KLHL29: variants seen among roughly 807,000 people sequenced by gnomAD.
The protein encoded by KLHL29 is kelch like family member 29.
KLHL29 carries 21 observed loss-of-function variants against 80.4 expected under a neutral mutation model. That is an observed-to-expected ratio of 0.26 (90% CI 0.19 to 0.38). KLHL29 has a LOEUF of 0.38. Among genes scored for constraint, KLHL29 ranks in the 10% least tolerant of loss-of-function variants. The pLI is 1.00. For missense variants in KLHL29, 867 were observed against 1,223.9 expected (o/e 0.71, Z 4.35); for synonymous variants, 511 against 526.8 (o/e 0.97, Z 0.41).
chr2:23,403,136 A>G (rs1427775697), intron 1 of KLHL29, among the ~76,000 whole-genome samples: 1 of 152,158 alleles, frequency 6.6e-6, no homozygotes. Flanking sequence ...GGTTTTTAAA[A>G]TAATAAGCGT....
chr2:23,619,800 C>A (rs937171900), intron 3 of KLHL29, among the ~76,000 whole-genome samples: 4 of 152,226 alleles, frequency 2.6e-5, no homozygotes, highest in Non-Finnish European at 1.5e-5. Flanking sequence ...TTCATCCCAG[C>A]CTGTTAGTGC....
intron 2 of KLHL29, among the ~76,000 whole-genome samples, chr2:23,557,062 A>G (rs1667316266): frequency 6.6e-6 from 1 of 152,200 alleles, no homozygotes; most frequent in South Asian, 2.1e-4. Flanking sequence ...GTTCACGGGC[A>G]GCCTGCCAGG....
intron 4 of KLHL29, among the ~76,000 whole-genome samples, chr2:23,640,934 G>T (rs937528503): frequency 5.3e-5 from 8 of 152,114 alleles, no homozygotes; most frequent in African/African-American, 1.7e-4. Context: ...CCCCACCTCG[G>T]CGCCATTTTC....
In KLHL29 at chr2:23,682,992, C is replaced by T. The variant is rs1221760043; in HGVS notation, c.941-1407C>T. Among the ~76,000 whole-genome samples, 2 of 152,236 alleles carry T rather than the reference C, an allele frequency of 1.3e-5. No homozygotes were observed. The highest frequency in any genetic ancestry group is 1.9e-4 in the East Asian group (1 of 5,192). ...CCCTCCCACCGTCTTCCTTGGTCTTCAGCAGAGCCCAGTGTGTCCTCACCA... is the reference window on the plus strand; with the variant it reads ...CCCTCCCACCGTCTTCCTTGGTCTTTAGCAGAGCCCAGTGTGTCCTCACCA... On this transcript the variant is annotated intron_variant, in intron 5 of 13. Coordinates refer to ENST00000486442, the MANE Select transcript of KLHL29 (RefSeq NM_052920.2). This position sits in a 1 kb window ranked among gnomAD's most constrained non-coding sequence, Gnocchi z 4.1.
intron 1 of KLHL29, among the ~76,000 whole-genome samples, chr2:23,411,426 G>GT (rs1372762355): frequency 5.4e-5 from 2 of 36,870 alleles, no homozygotes; most frequent in African/African-American, 1.2e-4. Flanking sequence ...TGTGTGTGTG[G>GT]TCAAGGTAGG....
chr2:23,487,342 C>T (rs1225776026), intron 2 of KLHL29, among the ~76,000 whole-genome samples: 1 of 152,122 alleles, frequency 6.6e-6, no homozygotes, highest in Non-Finnish European at 1.5e-5. Context: ...GAGAGAGGGG[C>T]AGGAGGGGAC....
In KLHL29 at chr2:23,642,454, G is replaced by T; in HGVS notation, c.544G>T (p.Val182Phe). ...FSPAVNVQAPVIGVTPSLPPH... is the reference protein window; with the variant it reads ...FSPAVNVQAPFIGVTPSLPPH... ...CCCGGCTGTGAACGTCCAGGCCCCG[G>T]TCATTGGGGTGACCCCCTCACTGCC... is the stretch of plus-strand genomic sequence containing the variant. The change falls in exon 5 of 14, where the codon GTC (valine) becomes TTC (phenylalanine). Residue 182 changes from valine (V) to phenylalanine (F), a missense_variant. Around this residue, in one of 2 missense-constraint regions of KLHL29, gnomAD observed 424 missense variants for 456.9 expected, o/e 0.93. Coordinates refer to ENST00000486442, the MANE Select transcript of KLHL29 (RefSeq NM_052920.2). 1 of 1,508,632 alleles carries T rather than the reference G, an allele frequency of 6.6e-7. No individual in the cohort carries two copies. The highest frequency in any genetic ancestry group is 8.9e-7 in the Non-Finnish European group (1 of 1,123,228). The allele number at this position is 1,508,632 out of a possible 1,614,324, so 93.5% of individuals were successfully genotyped here.
intron 3 of KLHL29, among the ~76,000 whole-genome samples, chr2:23,603,759 G>A (rs1668632871): frequency 6.6e-6 from 1 of 152,234 alleles, no homozygotes; most frequent in Non-Finnish European, 1.5e-5. Flanking sequence ...AGGCCGAGGA[G>A]CCCTGGTGGA....
intron 5 of KLHL29, chr2:23,672,953 CG>C (rs1379756805): frequency 6.6e-6 from 1 of 152,198 alleles, no homozygotes; most frequent in African/African-American, 2.4e-5. Context: ...AGGCCACTCG[CG>C]GCTGCTTTCC....
At chr2:23,654,789 G>C (rs867039847) in intron 5 of KLHL29, among the ~76,000 whole-genome samples, 2 of 151,598 alleles carry the variant, frequency 1.3e-5, no homozygotes, top group Middle Eastern at 6.8e-3. Flanking sequence ...TCTGCCCTGA[G>C]AGGCAGAGTC....
chr2:23,586,362 CTTTTTTTTTTTT>C (rs778067234), intron 3 of KLHL29, among the ~76,000 whole-genome samples: 1 of 96,992 alleles, frequency 1.0e-5, no homozygotes, highest in Admixed American at 1.4e-4. Context: ...AAAAGCATTA[CTTTTTTTTTTTT>C]TTTTTTTTTT....
At chr2:23,526,292 A>C (rs6753549) in intron 2 of KLHL29, among the ~76,000 whole-genome samples, 14 of 150,898 alleles carry the variant, frequency 9.3e-5, no homozygotes, top group East Asian at 5.9e-4. Context: ...GTCACAGGGG[A>C]GGGGAAACCA....
At chr2:23,646,555 A>G (rs149474512) in intron 5 of KLHL29, among the ~76,000 whole-genome samples, 243 of 152,290 alleles carry the variant, frequency 1.6e-3, no homozygotes, top group African/African-American at 5.8e-3. Context: ...TTCGGACTTC[A>G]TATTTTGCAG....
chr2:23,456,756 C>T (rs1664064426), intron 1 of KLHL29, among the ~76,000 whole-genome samples: 1 of 152,106 alleles, frequency 6.6e-6, no homozygotes, highest in South Asian at 2.1e-4. Flanking sequence ...TGGAGTCTTC[C>T]CCCACCAAAA....
At chr2:23,569,446 C>CTACTTCTCAAG (rs1667664493) in intron 3 of KLHL29, among the ~76,000 whole-genome samples, 1 of 152,338 alleles carries the variant, frequency 6.6e-6, no homozygotes, top group Admixed American at 6.5e-5. Flanking sequence ...TCAAGATGAA[C>CTACTTCTCAAG]ATAAATCTAC....
chr2:23,554,167 G>A (rs576816173), intron 2 of KLHL29, among the ~76,000 whole-genome samples: 1 of 152,348 alleles, frequency 6.6e-6, no homozygotes, highest in Non-Finnish European at 1.5e-5. Context: ...TGGCCAAGCC[G>A]CCTCTCCAGA....
intron 1 of KLHL29, among the ~76,000 whole-genome samples, chr2:23,412,926 G>A (rs1666901040): frequency 6.6e-6 from 1 of 152,134 alleles, no homozygotes; most frequent in African/African-American, 2.4e-5. Flanking sequence ...CTTTCATGTT[G>A]TAAACCACTG....
chr2:23,630,220 G>A (rs1012152364), intron 3 of KLHL29, among the ~76,000 whole-genome samples: 3 of 152,196 alleles, frequency 2.0e-5, no homozygotes, highest in Non-Finnish European at 4.4e-5. Context: ...AGGCCCTGTC[G>A]GGCTGGACAC....
intron 1 of KLHL29, among the ~76,000 whole-genome samples, chr2:23,428,138 C>T (rs1025023032): frequency 5.3e-5 from 8 of 152,232 alleles, no homozygotes; most frequent in African/African-American, 1.7e-4. Flanking sequence ...CGCATGGCCT[C>T]ATCCACGACA....
Sources: allele counts gnomAD v4.1 joint callset (sites outside exome capture counted in the v4.1 genomes callset), GRCh38; gene constraint gnomAD v4.1.1; regional missense constraint gnomAD v4.1.1; non-coding constraint Gnocchi (gnomAD v3.1); transcripts MANE v1.5; gene names NCBI Gene and HGNC (gene_info 2026-07-23, HGNC 2026-07-21).